The following ADAM10 variants were observed in gnomAD, a reference collection of about 807,000 sequenced individuals.
The protein encoded by ADAM10 is ADAM metallopeptidase domain 10.
ADAM10 carries 17 observed loss-of-function variants against 90.1 expected under a neutral mutation model. The observed-to-expected ratio is 0.19, with a 90% CI of 0.13 to 0.28. The LOEUF (loss-of-function observed/expected upper bound fraction) is 0.28. Among genes scored for constraint, ADAM10 ranks in the 10% least tolerant of loss-of-function variants. The pLI, the probability that ADAM10 is intolerant of heterozygous loss-of-function variation, is 1.00. For missense variants in ADAM10, 610 were observed against 914.3 expected (o/e 0.67, Z 4.29); for synonymous variants, 310 against 298.6 (o/e 1.04, Z -0.40).
In ADAM10 at chr15:58,646,075, G is replaced by T. The variant is rs1429386297; in HGVS notation, c.715C>A (p.Arg239=). ...AATACCTGGGCAATCACAGCTTCTC[G>T]TGTTCCGTAATATTTAAAGAACAAA... The part of the protein sequence containing the change: ...DHLFFKYYGT[R]EAVIAQISSH... The change falls in exon 6 of 16, where the codon CGA becomes AGA. Residue 239 remains arginine, a synonymous_variant. Transcript: ENST00000260408. The T allele has an allele frequency of 6.2e-7, 1 of 1,613,498 alleles. No individual in the cohort carries two copies. Among genetic ancestry groups the T allele is most frequent in the East Asian group, 2.2e-5 (1 of 44,782 alleles).
intron 14 of ADAM10, among the ~76,000 whole-genome samples, chr15:58,601,628 C>G (rs1401392204): frequency 6.6e-6 from 1 of 152,120 alleles, no homozygotes; most frequent in Admixed American, 6.5e-5. Context: ...ATCAGGAAAT[C>G]AGGGCTGATA....
chr15:58,701,741 G>A (rs1318605234), intron 2 of ADAM10, among the ~76,000 whole-genome samples: 1 of 152,136 alleles, frequency 6.6e-6, no homozygotes. Context: ...AACTAAGTGT[G>A]AATCAACGGA....
intron 2 of ADAM10, among the ~76,000 whole-genome samples, chr15:58,705,888 G>A (rs186117877): frequency 7.0e-4 from 106 of 152,196 alleles, no homozygotes; most frequent in African/African-American, 2.5e-3. Context: ...GTTCTCTTTT[G>A]TTATTTGTTA....
rs372358229 is a variant in ADAM10, at chr15:58,680,653, G to T, written c.326-1371C>A. Reference sequence around the variant, plus strand: ...AATGACATAAAGGGTGAAAGTAGAGGGAGAGGGCTTTAAACCTTGAATTTA... The same window carrying T: ...AATGACATAAAGGGTGAAAGTAGAGTGAGAGGGCTTTAAACCTTGAATTTA... On this transcript the variant is annotated intron_variant, in intron 3 of 15. Transcript: ENST00000260408. Among the ~76,000 whole-genome samples, 8 of 152,136 alleles carry T rather than the reference G, an allele frequency of 5.3e-5. No homozygotes were observed. The East Asian group carries it at 9.6e-4, about 18-fold the overall frequency.
At chr15:58,600,263 T>C (rs960369863) in intron 14 of ADAM10, among the ~76,000 whole-genome samples, 26 of 152,204 alleles carry the variant, frequency 1.7e-4, no homozygotes, top group African/African-American at 6.0e-4. Flanking sequence ...GACTATGTTT[T>C]GATTGCGTTT....
Position 58,588,972 on chromosome 15 carries a change from GA to G in ADAM10, c.*8574del, listed in dbSNP as rs1894770198. On this transcript the variant is annotated 3_prime_UTR_variant, in exon 16 of 16. Coordinates refer to ENST00000260408, the MANE Select transcript of ADAM10 (RefSeq NM_001110.4). ...ATAAATACAGTGCATATTAGATTTT[GA>G]AAGAAAATTTATCTCCAGGTATGAC... The G allele has an allele frequency of 6.6e-6, 1 of 152,128 alleles. No homozygotes were observed. Among genetic ancestry groups the G allele is most frequent in the Admixed American group, 6.6e-5 (1 of 15,264 alleles). 9.4% of individuals were successfully genotyped at this position (152,128 alleles called of 1,614,324 possible).
intron 4 of ADAM10, among the ~76,000 whole-genome samples, chr15:58,668,662 C>A (rs1301598992): frequency 6.6e-6 from 1 of 152,090 alleles, no homozygotes; most frequent in Non-Finnish European, 1.5e-5. Context: ...TACCCCAGGG[C>A]TTTGATAACA....
At position 58,617,058 on chromosome 15, in the gene ADAM10, G is replaced by A. The variant is rs564232150; in HGVS notation, c.1511+4413C>T. 3.6e-4 allele frequency among the ~76,000 whole-genome samples: 54 copies of A among 152,088 alleles called. 1 individual carries two copies. In the South Asian group the frequency reaches 9.7e-3, roughly 27 times the overall value. ...CAGGAGACGGAGCTTGCAGTGAGCC[G>A]AGATTGCACCACTGCACTCCAGCCT... On this transcript the variant is annotated intron_variant, in intron 11 of 15. Coordinates refer to ENST00000260408, the MANE Select transcript of ADAM10 (RefSeq NM_001110.4).
At chr15:58,705,016 G>A (rs905729033) in intron 2 of ADAM10, among the ~76,000 whole-genome samples, 1 of 152,102 alleles carries the variant, frequency 6.6e-6, no homozygotes, top group African/African-American at 2.4e-5. Flanking sequence ...CTGAACAAAT[G>A]CAAGTAAGAT....
In ADAM10 at chr15:58,694,995, T is replaced by C. The variant is rs139880626; in HGVS notation, c.207-12681A>G. Among the ~76,000 whole-genome samples the C allele has an allele frequency of 3.5e-3, 531 of 152,316 alleles. 16 individuals are homozygous for C. The highest frequency in any genetic ancestry group is 1.0e-3 in the Non-Finnish European group (69 of 68,022). ...GCCTAAGTATATACATTTGCCAAAATGCACCTCTAACTATATACCTAACAT... is the reference window on the plus strand; with the variant it reads ...GCCTAAGTATATACATTTGCCAAAACGCACCTCTAACTATATACCTAACAT... On this transcript the variant is annotated intron_variant, in intron 2 of 15. Transcript: ENST00000260408.
chr15:58,730,008 A>AAAAAC (rs57357264), intron 1 of ADAM10, among the ~76,000 whole-genome samples: 12 of 141,590 alleles, frequency 8.5e-5, no homozygotes, highest in South Asian at 2.4e-4. Context: ...ACAAACAAAA[A>AAAAAC]AAAAAACTCA....
At chr15:58,623,049 A>G (rs1192680849) in intron 10 of ADAM10, among the ~76,000 whole-genome samples, 1 of 152,202 alleles carries the variant, frequency 6.6e-6, no homozygotes, top group Non-Finnish European at 1.5e-5. Context: ...TGCGAATTGA[A>G]TAAGTAGAAG....
chr15:58,655,730 T>TATATATA (rs1896810438), intron 5 of ADAM10, among the ~76,000 whole-genome samples: 1 of 110,110 alleles, frequency 9.1e-6, no homozygotes, highest in Non-Finnish European at 1.8e-5. Flanking sequence ...TATATATATA[T>TATATATA]ATATATATAT....
intron 1 of ADAM10, among the ~76,000 whole-genome samples, chr15:58,741,281 G>A (rs1430076065): frequency 6.6e-6 from 1 of 152,128 alleles, no homozygotes; most frequent in Admixed American, 6.5e-5. Context: ...GAAATCAAGA[G>A]TGTCAATCAT....
In ADAM10 at chr15:58,743,787, G is replaced by C. The variant is rs550699507; in HGVS notation, c.55+5693C>G. Among the ~76,000 whole-genome samples, 7 of 152,212 alleles carry C rather than the reference G, an allele frequency of 4.6e-5. No homozygotes were observed. In the East Asian group the frequency reaches 1.4e-3, roughly 29 times the overall value. On this transcript the variant is annotated intron_variant, in intron 1 of 15. Coordinates refer to ENST00000260408, the MANE Select transcript of ADAM10 (RefSeq NM_001110.4). ...ACCAAGCTAATTTTTTGTATTTTTAGTAGAGAGGGGGTTTCGCCATGTTGG... is the reference window on the plus strand; with the variant it reads ...ACCAAGCTAATTTTTTGTATTTTTACTAGAGAGGGGGTTTCGCCATGTTGG...
intron 5 of ADAM10, among the ~76,000 whole-genome samples, chr15:58,658,733 T>G (rs1402451079): frequency 6.6e-6 from 1 of 152,220 alleles, no homozygotes; most frequent in Non-Finnish European, 1.5e-5. Context: ...TTCTACATAT[T>G]TTATATTTTG....
At chr15:58,606,252 T>A (rs1027931184) in intron 14 of ADAM10, among the ~76,000 whole-genome samples, 2 of 152,202 alleles carry the variant, frequency 1.3e-5, no homozygotes, top group Non-Finnish European at 2.9e-5. Flanking sequence ...GGGCTTTGAA[T>A]ATATACTCCT....
At chr15:58,687,279 A>C (rs1273134465) in intron 2 of ADAM10, among the ~76,000 whole-genome samples, 1 of 152,268 alleles carries the variant, frequency 6.6e-6, no homozygotes, top group African/African-American at 2.4e-5. Flanking sequence ...TCGTGTATAT[A>C]AATGAAGCAG....
intron 1 of ADAM10, among the ~76,000 whole-genome samples, chr15:58,719,554 T>A (rs1198180869): frequency 6.6e-6 from 1 of 152,220 alleles, no homozygotes; most frequent in East Asian, 1.9e-4. Flanking sequence ...CAACACTAAA[T>A]TTTCTGTTTA....
Sources: allele counts gnomAD v4.1 joint callset (sites outside exome capture counted in the v4.1 genomes callset), GRCh38; gene constraint gnomAD v4.1.1; transcripts MANE v1.5; gene names NCBI Gene and HGNC (gene_info 2026-07-23, HGNC 2026-07-21).